ASCC3: variants seen among roughly 807,000 people sequenced by gnomAD.
The protein encoded by ASCC3 is ASC-1 complex subunit P200.
A neutral mutation model predicts 256.3 loss-of-function variants in ASCC3; 158 were observed. The observed-to-expected ratio is 0.62, with a 90% CI of 0.54 to 0.70. ASCC3 has a LOEUF of 0.70. Among genes scored for constraint, ASCC3 ranks in the 30% least tolerant of loss-of-function variants. The pLI, the probability that ASCC3 is intolerant of heterozygous loss-of-function variation, is 0.00. For missense variants in ASCC3, 2,259 were observed against 2,626.0 expected (o/e 0.86, Z 3.05); for synonymous variants, 948 against 883.4 (o/e 1.07, Z -1.30).
intron 3 of ASCC3, among the ~76,000 whole-genome samples, chr6:100,855,401 G>A (rs1472669992): frequency 1.3e-5 from 2 of 152,212 alleles, no homozygotes; most frequent in African/African-American, 4.8e-5. Context: ...ACAGGCGTAA[G>A]CCACTGTACC....
At chr6:100,821,694 C>A (rs1173053141) in intron 4 of ASCC3, among the ~76,000 whole-genome samples, 2 of 151,808 alleles carry the variant, frequency 1.3e-5, no homozygotes, top group Non-Finnish European at 1.5e-5. Flanking sequence ...CGTGGTGGCA[C>A]GAGCCTGTAA....
At chr6:100,809,707 T>C (rs936111218) in intron 4 of ASCC3, among the ~76,000 whole-genome samples, 1 of 152,158 alleles carries the variant, frequency 6.6e-6, no homozygotes, top group African/African-American at 2.4e-5. Context: ...AAGATTACTA[T>C]AAAACATTTT....
chr6:100,705,791 A>T (rs1384146572), intron 13 of ASCC3, among the ~76,000 whole-genome samples: 3 of 151,996 alleles, frequency 2.0e-5, no homozygotes, highest in Non-Finnish European at 2.9e-5. Flanking sequence ...TTTGAAAAAT[A>T]ACAGTTTACG....
At chr6:100,674,631 AT>A (rs3073741) in intron 14 of ASCC3, among the ~76,000 whole-genome samples, 1,760 of 131,620 alleles carry the variant, frequency 0.013, 23 homozygotes, top group African/African-American at 0.044. Flanking sequence ...TTATTACAGA[AT>A]TTTTTTTTTT....
chr6:100,592,822 A>T (rs1047702836), intron 34 of ASCC3, among the ~76,000 whole-genome samples: 3 of 152,122 alleles, frequency 2.0e-5, no homozygotes, highest in Non-Finnish European at 4.4e-5. Context: ...CACTCTCCAC[A>T]GTACAAAATT....
At chr6:100,708,657 A>G (rs1242068140) in intron 13 of ASCC3, among the ~76,000 whole-genome samples, 1 of 152,118 alleles carries the variant, frequency 6.6e-6, no homozygotes, top group African/African-American at 2.4e-5. Flanking sequence ...AACTTACAGT[A>G]CACAGGACAC....
At chr6:100,834,135 G>A (rs1466528118) in intron 4 of ASCC3, among the ~76,000 whole-genome samples, 1 of 152,126 alleles carries the variant, frequency 6.6e-6, no homozygotes, top group South Asian at 2.1e-4. Context: ...TGGAAAAAAT[G>A]AATAAGTAAT....
In ASCC3 at chr6:100,633,442, A is replaced by G. The variant is rs552683345; in HGVS notation, c.4123-2229T>C. Among the ~76,000 whole-genome samples the G allele has an allele frequency of 3.6e-4, 55 of 152,264 alleles. 1 individual carries two copies. Among genetic ancestry groups the G allele is most frequent in the African/African-American group, 9.1e-4 (38 of 41,572 alleles). On this transcript the variant is annotated intron_variant, in intron 25 of 41. Transcript: ENST00000369162. Reference sequence around the variant, plus strand: ...AACTCGGATTTGCCAAGGAGAAGACAAAGTGTTTCAAGTGAAAAGATGAAA... The same window carrying G: ...AACTCGGATTTGCCAAGGAGAAGACGAAGTGTTTCAAGTGAAAAGATGAAA...
At chr6:100,876,391 A>G (rs941996014) in intron 1 of ASCC3, among the ~76,000 whole-genome samples, 7 of 152,238 alleles carry the variant, frequency 4.6e-5, no homozygotes, top group Non-Finnish European at 8.8e-5. Context: ...ATGAATGCTC[A>G]GCTCATACTG....
intron 36 of ASCC3, among the ~76,000 whole-genome samples, chr6:100,565,531 T>A: frequency 6.6e-6 from 1 of 152,202 alleles, no homozygotes; most frequent in Non-Finnish European, 1.5e-5. Context: ...AAAGCCAGGA[T>A]AATGTCACAT....
intron 14 of ASCC3, among the ~76,000 whole-genome samples, chr6:100,664,783 T>C (rs1407036678): frequency 1.3e-5 from 2 of 152,198 alleles, no homozygotes; most frequent in Non-Finnish European, 2.9e-5. Flanking sequence ...CTTCAGAGGC[T>C]AAAGGTAGGG....
intron 36 of ASCC3, among the ~76,000 whole-genome samples, chr6:100,580,056 G>A (rs1771124144): frequency 6.6e-6 from 1 of 152,044 alleles, no homozygotes; most frequent in Non-Finnish European, 1.5e-5. Context: ...TTCGTCAGTT[G>A]TATTTCTAGG....
chr6:100,736,055 A>G (rs913454392), intron 10 of ASCC3, among the ~76,000 whole-genome samples: 2 of 152,280 alleles, frequency 1.3e-5, no homozygotes, highest in South Asian at 4.1e-4. Context: ...CTGTATCCAC[A>G]ATGCCTGGAA....
At chr6:100,806,634 A>G (rs938563734) in intron 4 of ASCC3, among the ~76,000 whole-genome samples, 2 of 151,960 alleles carry the variant, frequency 1.3e-5, no homozygotes, top group Non-Finnish European at 2.9e-5. Context: ...TGAAGATGTC[A>G]TATTAACCAA....
chr6:100,541,311 A>G (rs1775449465), intron 36 of ASCC3, among the ~76,000 whole-genome samples: 1 of 152,078 alleles, frequency 6.6e-6, no homozygotes, highest in Non-Finnish European at 1.5e-5. Flanking sequence ...AAAAAAAGAC[A>G]AAAACCTATG....
intron 13 of ASCC3, among the ~76,000 whole-genome samples, chr6:100,682,604 G>A (rs74873031): frequency 0.01 from 1,594 of 152,272 alleles, 21 homozygotes; most frequent in Non-Finnish European, 0.015. Flanking sequence ...TATTTATGCA[G>A]TTCCTACTAT....
At chr6:100,515,787 G>GT (rs1773992649) in intron 39 of ASCC3, among the ~76,000 whole-genome samples, 1 of 152,168 alleles carries the variant, frequency 6.6e-6, no homozygotes. Flanking sequence ...TGAAGAGAGG[G>GT]AGTAGAAGGC....
intron 36 of ASCC3, among the ~76,000 whole-genome samples, chr6:100,551,620 T>A (rs927980677): frequency 2.0e-5 from 3 of 152,050 alleles, no homozygotes; most frequent in African/African-American, 7.2e-5. Flanking sequence ...ACACTGATTT[T>A]ATAATTAAAC....
chr6:100,857,980 G>C (rs1454646991), intron 3 of ASCC3: 1 of 154,228 alleles, frequency 6.5e-6, no homozygotes, highest in African/African-American at 2.4e-5. Context: ...CATTATAATA[G>C]TGAGTCTTCC....
Sources: gnomAD v4.1 joint callset for allele counts (sites outside exome capture counted in the v4.1 genomes callset) on GRCh38, gnomAD v4.1.1 for gene constraint, MANE v1.5 for transcripts, NCBI Gene and HGNC (gene_info 2026-07-23, HGNC 2026-07-21) for gene names.